ZNF331: variants seen among roughly 807,000 people sequenced by gnomAD.
ZNF331 encodes the protein C2H2-like zinc finger protein rearranged in thyroid adenomas.
In ZNF331, 2 loss-of-function variants were observed where a neutral mutation model predicts 7.0. The observed-to-expected ratio is 0.29, with a 90% CI of 0.12 to 0.90. The LOEUF (loss-of-function observed/expected upper bound fraction) is 0.90. ZNF331 is among the 40% of genes least tolerant of loss of function. The pLI is 0.58. For synonymous variants in ZNF331, 196 were observed against 205.4 expected, an observed-to-expected ratio of 0.95 and a Z score of 0.39; for missense variants, 432 against 587.7, an observed-to-expected ratio of 0.74 and a Z score of 2.74.
chr19:53,561,964 A>G (rs945237513), intron 3 of ZNF331, among the ~76,000 whole-genome samples: 1 of 152,062 alleles, frequency 6.6e-6, no homozygotes, highest in East Asian at 1.9e-4. Flanking sequence ...CCTGGCCAAC[A>G]TGGTGAAACG....
chr19:53,541,027 A>G lies in ZNF331; in HGVS notation c.-138+1745A>G, dbSNP rs192294933. Among the ~76,000 whole-genome samples the G allele has an allele frequency of 2.0e-5, 3 of 152,312 alleles. No homozygotes were observed. In the East Asian group the frequency reaches 5.8e-4, roughly 29 times the overall value. The stretch of plus-strand genomic sequence containing the variant: ...AACCTTAATTCCCCTTTGCCATGTA[A>G]GGTAATATCATCATAGGTGCCAGCA... On this transcript the variant is annotated intron_variant, in intron 2 of 5. Coordinates refer to ENST00000449416, the MANE Select transcript of ZNF331 (RefSeq NM_001079906.2).
the ZNF331 span, among the ~76,000 whole-genome samples, chr19:53,511,179 A>G: frequency 4.9e-3 from 744 of 152,298 alleles, 5 homozygotes; most frequent in African/African-American, 0.017. Context: ...CAACCTCCCT[A>G]TGGATCAATA....
chr19:53,553,302 A>C (rs1469671234), intron 2 of ZNF331, among the ~76,000 whole-genome samples: 2 of 152,084 alleles, frequency 1.3e-5, no homozygotes, highest in Admixed American at 6.6e-5. Context: ...CAAAAAAAAA[A>C]AAAAAAAATT....
intron 1 of ZNF331, among the ~76,000 whole-genome samples, chr19:53,522,366 A>G (rs1397946826): frequency 6.6e-6 from 1 of 150,904 alleles, no homozygotes; most frequent in Non-Finnish European, 1.5e-5. Flanking sequence ...CCTCCCAAGT[A>G]GCTGGGACCA....
the ZNF331 span, among the ~76,000 whole-genome samples, chr19:53,505,116 C>T: frequency 6.6e-6 from 1 of 152,206 alleles, no homozygotes; most frequent in South Asian, 2.1e-4. Context: ...AAACTGTAAG[C>T]ACACGAGGCT....
chr19:53,559,261 CACAT>C (rs1370503805), intron 3 of ZNF331, among the ~76,000 whole-genome samples: 2 of 151,040 alleles, frequency 1.3e-5, no homozygotes, highest in African/African-American at 4.9e-5. Context: ...CATGTACACA[CACAT>C]ATACACAACT....
chr19:53,531,414 T>C (rs2708816), intron 2 of ZNF331, among the ~76,000 whole-genome samples: 39,906 of 152,074 alleles, frequency 0.26, 6,191 homozygotes, highest in African/African-American at 0.43. Flanking sequence ...CTGTGTAGCT[T>C]TTTCTGTGTG....
At chr19:53,531,140 A>C (rs2569564) in intron 2 of ZNF331, among the ~76,000 whole-genome samples, 52,404 of 151,970 alleles carry the variant, frequency 0.34, 9,752 homozygotes, top group African/African-American at 0.49. Flanking sequence ...CAACATTCTT[A>C]CGAAAAAGCA....
Position 53,524,253 on chromosome 19 carries a change from A to T in ZNF331, c.-205+1569A>T, listed in dbSNP as rs565716188. On this transcript the variant is annotated intron_variant, in intron 2 of 6. Transcript: ENST00000253144. ...GTGAATGTGTCTTTATAGTACCATG[A>T]TTTATAATCTTTTGGGTATATACCC... Among the ~76,000 whole-genome samples, 3 of 152,316 alleles carry T rather than the reference A, an allele frequency of 2.0e-5. No individual in the cohort carries two copies. The South Asian group carries it at 6.2e-4, about 32-fold the overall frequency.
chr19:53,506,486 GTCTC>G, the ZNF331 span, among the ~76,000 whole-genome samples: 16 of 68,646 alleles, frequency 2.3e-4, no homozygotes, highest in East Asian at 1.5e-3. Flanking sequence ...CTCTCTGTCT[GTCTC>G]TCTCTCTCTC....
At chr19:53,541,015 C>G (rs28812774) in intron 2 of ZNF331, among the ~76,000 whole-genome samples, 26,033 of 152,170 alleles carry the variant, frequency 0.17, 2,372 homozygotes, top group Middle Eastern at 0.2. Flanking sequence ...CTTAATTCCC[C>G]TTTGCCATGT....
upstream of ZNF331, among the ~76,000 whole-genome samples, chr19:53,533,444 G>C (rs940378273): frequency 6.6e-6 from 1 of 152,156 alleles, no homozygotes; most frequent in African/African-American, 2.4e-5. Flanking sequence ...ATGTGTGCTG[G>C]AGAAGAATAT....
rs79221408 is a variant in ZNF331 at position 53,545,825 on chromosome 19, G to A, written c.-138+6543G>A. Among the ~76,000 whole-genome samples the A allele has an allele frequency of 2.1e-3, 323 of 152,294 alleles. 8 individuals are homozygous for A. In the East Asian group the frequency reaches 0.056, roughly 26 times the overall value. ...AGTGTTCAAGCCGGACGTGTTCTCC[G>A]TACCGGCTCCTGTGTCACAGTAACG... is the stretch of plus-strand genomic sequence containing the variant. On this transcript the variant is annotated intron_variant, in intron 2 of 5. Transcript: ENST00000449416.
At chr19:53,514,686 T>C (rs1364701237), upstream of ZNF331, among the ~76,000 whole-genome samples, 2 of 72,806 alleles carry the variant, frequency 2.7e-5, no homozygotes, top group African/African-American at 5.4e-5. Context: ...AGTTTCACAC[T>C]GTCGCCCAGG....
chr19:53,563,057 T>C (rs1374028016), intron 3 of ZNF331, among the ~76,000 whole-genome samples: 1 of 151,950 alleles, frequency 6.6e-6, no homozygotes, highest in African/African-American at 2.4e-5. Flanking sequence ...CTTCTCGAAA[T>C]AGGTTCTGTA....
rs34296898 is a variant in ZNF331, at chr19:53,575,499, CTTT to C, written c.137-1178_137-1176del. Among the ~76,000 whole-genome samples the C allele has an allele frequency of 5.5e-3, 420 of 75,870 alleles. 2 individuals carry two copies. The highest frequency in any genetic ancestry group is 0.022 in the African/African-American group (400 of 17,990). 49.8% of individuals were successfully genotyped at this position (75,870 alleles called of 152,430 possible). ...AATGTTGTATTCTTTTACCCAGTTG[CTTT>C]TTTTTTTTTTTTTTTTTTTGAGACG... On this transcript the variant is annotated intron_variant, in intron 5 of 5. Transcript: ENST00000449416.
At chr19:53,545,849 C>T (rs368000994) in intron 2 of ZNF331, among the ~76,000 whole-genome samples, 10 of 152,102 alleles carry the variant, frequency 6.6e-5, no homozygotes, top group African/African-American at 1.9e-4. Flanking sequence ...GTCACAGTAA[C>T]GGGAAGCCTC....
chr19:53,527,125 G>A (rs1471688821), intron 2 of ZNF331, among the ~76,000 whole-genome samples: 6 of 151,910 alleles, frequency 3.9e-5, no homozygotes, highest in Admixed American at 6.6e-5. Flanking sequence ...GGAGTTGGAG[G>A]TTGCAGTGAG....
intron 2 of ZNF331, among the ~76,000 whole-genome samples, chr19:53,527,094 C>T (rs939385297): frequency 1.3e-5 from 2 of 151,854 alleles, no homozygotes; most frequent in Admixed American, 1.3e-4. Context: ...GAGGCTGACA[C>T]AGGAGAATCA....
Sources: gnomAD v4.1 joint callset for allele counts (sites outside exome capture counted in the v4.1 genomes callset) on GRCh38, gnomAD v4.1.1 for gene constraint, MANE v1.5 for transcripts, NCBI Gene and HGNC (gene_info 2026-07-23, HGNC 2026-07-21) for gene names.